The following MAPK11 variants were observed in gnomAD, a reference collection of about 807,000 sequenced individuals.
MAPK11 encodes mitogen-activated protein kinase 11.
MAPK11 carries 44 observed loss-of-function variants against 52.2 expected under a neutral mutation model. The ratio of observed to expected loss-of-function variants is 0.84; its 90% CI spans 0.66 to 1.08. The LOEUF (loss-of-function observed/expected upper bound fraction) is 1.08. MAPK11 is among the 50% of genes least tolerant of loss of function. The pLI, the probability that MAPK11 is intolerant of heterozygous loss-of-function variation, is 0.00. For missense variants in MAPK11, 436 were observed against 494.7 expected (o/e 0.88, Z 1.13); for synonymous variants, 233 against 206.3 (o/e 1.13, Z -1.11).
rs2065296767 is a variant in MAPK11, at chr22:50,270,131, G to C, written c.116+46C>G. On this transcript the variant is annotated intron_variant, in intron 1 of 11. Coordinates refer to ENST00000330651, the MANE Select transcript of MAPK11 (RefSeq NM_002751.7). This position sits in a 1 kb window ranked among gnomAD's most constrained non-coding sequence, Gnocchi z 6.3. ...CGGGCGAGGAGGGGACGCGCTCTCC[G>C]GCCCGGCCCGGCCCCCACCCAGCAC... 9.6e-7 allele frequency: 1 copy of C among 1,046,666 alleles called. No individual in the cohort carries two copies. Among genetic ancestry groups the C allele is most frequent in the African/African-American group, 1.7e-5 (1 of 58,810 alleles). 64.8% of individuals were successfully genotyped at this position (1,046,666 alleles called of 1,614,324 possible). A position where few individuals can be genotyped will look rare whatever the true frequency, so the allele number is the denominator to read the frequency against.
chr22:50,265,568 A>T lies in MAPK11; in HGVS notation c.841+14T>A, dbSNP rs1289636204. On this transcript the variant is annotated intron_variant, in intron 10 of 11. Coordinates refer to ENST00000330651, the MANE Select transcript of MAPK11 (RefSeq NM_002751.7). Reference sequence around the variant, plus strand: ...CCAGATATGGAGCCCAGTCTAGCCCAGGGCAGTCCTCACCCAGGGGGTTGG... The same window carrying T: ...CCAGATATGGAGCCCAGTCTAGCCCTGGGCAGTCCTCACCCAGGGGGTTGG... The T allele has an allele frequency of 6.2e-7, 1 of 1,611,996 alleles. No homozygotes were observed. The highest frequency in any genetic ancestry group is 2.2e-5 in the East Asian group (1 of 44,886).
At position 50,266,708 on chromosome 22, in the gene MAPK11, C is replaced by A. The variant is rs371550810; in HGVS notation, c.611-97G>T. 8.1e-5 allele frequency: 98 copies of A among 1,205,010 alleles called. 1 individual carries two copies. In the East Asian group the frequency reaches 1.4e-3, roughly 17 times the overall value. 74.6% of individuals were successfully genotyped at this position (1,205,010 alleles called of 1,614,324 possible). On this transcript the variant is annotated intron_variant, in intron 7 of 11. Coordinates refer to ENST00000330651, the MANE Select transcript of MAPK11 (RefSeq NM_002751.7). ...ATCCAGACCCCAAGATGGGCAGACC[C>A]CCTCCTCTGCCATACCCAACCCCCC...
At position 50,264,222 on chromosome 22, in the gene MAPK11, C is replaced by T. The variant is rs2065244780; in HGVS notation, c.*726G>A. ...GAAGGCAACAGCACACCCACCCCGG[C>T]TCCAGCTTCTTGCCAGATATGGCTG... On this transcript the variant is annotated 3_prime_UTR_variant, in exon 12 of 12. Coordinates refer to ENST00000330651, the MANE Select transcript of MAPK11 (RefSeq NM_002751.7). 1 of 152,338 alleles carries T rather than the reference C, an allele frequency of 6.6e-6. No homozygotes were observed. Among genetic ancestry groups the T allele is most frequent in the Non-Finnish European group, 1.5e-5 (1 of 68,108 alleles). The allele number at this position is 152,338 out of a possible 1,614,324, so 9.4% of individuals were successfully genotyped here. A position where few individuals can be genotyped will look rare whatever the true frequency, so the allele number is the denominator to read the frequency against.
rs763789031 is a variant in MAPK11, at chr22:50,270,190, A to G, written c.103T>C (p.Tyr35His). Residue 35 changes from tyrosine (Y) to histidine (H), a missense_variant, in exon 1 of 12, where the codon TAC (tyrosine) becomes CAC (histidine). Coordinates refer to ENST00000330651, the MANE Select transcript of MAPK11 (RefSeq NM_002751.7). The surrounding 1 kb of genome is among the most constrained non-coding windows in gnomAD (Gnocchi z 6.3). ...QGLRPVGSGA[Y>H]GSVCSAYDAR... is the part of the protein sequence containing the mutation. ...CCCCGCCCCTACCAGACGGAGCCGT[A>G]GGCGCCGGAGCCCACCGGGCGCAGC... is the stretch of plus-strand genomic sequence containing the variant. 3 of 1,474,606 alleles carry G rather than the reference A, an allele frequency of 2.0e-6. No homozygotes were observed. The highest frequency in any genetic ancestry group is 1.3e-5 in the South Asian group (1 of 77,030). 91.3% of individuals were successfully genotyped at this position (1,474,606 alleles called of 1,614,324 possible). A position where few individuals can be genotyped will look rare whatever the true frequency, so the allele number is the denominator to read the frequency against.
chr22:50,268,008 T>C (rs1238528993), intron 1 of MAPK11, 59 bp from the exon 2 acceptor site: 2 of 1,442,316 alleles, frequency 1.4e-6, no homozygotes, highest in African/African-American at 3.0e-5. Flanking sequence ...CGCACGCGCG[T>C]GGACCCGGGC....
chr22:50,267,740 C>G, intron 2 of MAPK11, 80 bp downstream of exon 2: 2 of 1,438,660 alleles, frequency 1.4e-6, no homozygotes, highest in Admixed American at 5.4e-5. Context: ...GCCCCCATCG[C>G]CAGGGCTCGC....
Position 50,267,413 on chromosome 22 carries a change from C to T in MAPK11, c.375G>A (p.Glu125=), listed in dbSNP as rs756027043. 6.2e-7 allele frequency: 1 copy of T among 1,610,778 alleles called. No individual in the cohort carries two copies. Among genetic ancestry groups the T allele is most frequent in the Non-Finnish European group, 8.5e-7 (1 of 1,179,100 alleles). The change falls in exon 4 of 12, where the codon GAG becomes GAA. Residue 125 remains glutamate, a synonymous_variant. Coordinates refer to ENST00000330651, the MANE Select transcript of MAPK11 (RefSeq NM_002751.7). Reference sequence around the variant, plus strand: ...GCTGGTAAACCAGGAATTGAACGTGCTCGTCGCTCAGCGCCTGGCACTTGA... The same window carrying T: ...GCTGGTAAACCAGGAATTGAACGTGTTCGTCGCTCAGCGCCTGGCACTTGA... ...NIVKCQALSD[E]HVQFLVYQLL...
At chr22:50,267,536 G>A in intron 3 of MAPK11, 33 bp downstream of exon 3, 1 of 1,547,366 alleles carries the variant, frequency 6.5e-7, no homozygotes, top group Middle Eastern at 1.7e-4. Context: ...CCGCGAACGC[G>A]CTCCCCGCTG....
chr22:50,266,505 G>A (rs755015205), intron 8 of MAPK11, 35 bp downstream of exon 8: 7 of 1,510,630 alleles, frequency 4.6e-6, no homozygotes, highest in African/African-American at 2.8e-5. Context: ...GAGGGGCCCT[G>A]TTTGACCCTG....
chr22:50,265,100 C>T, intron 11 of MAPK11, 73 bp from the exon 12 acceptor site: 1 of 1,376,512 alleles, frequency 7.3e-7, no homozygotes, highest in Non-Finnish European at 1.0e-6. Flanking sequence ...CTGGCACCTG[C>T]CACCCAGCCC....
intron 1 of MAPK11, among the ~76,000 whole-genome samples, chr22:50,269,967 C>A (rs560629970): frequency 6.6e-6 from 1 of 152,146 alleles, no homozygotes; most frequent in African/African-American, 2.4e-5. Context: ...CCGGAGGACC[C>A]CCCTCCCTCC....
At chr22:50,266,787 G>C in intron 7 of MAPK11, 147 bp downstream of exon 7, 1 of 958,096 alleles carries the variant, frequency 1.0e-6, no homozygotes, top group Non-Finnish European at 1.6e-6. Flanking sequence ...CACCCATCAT[G>C]CTCTAGCGGC....
chr22:50,264,187 CGAG>C lies in MAPK11; in HGVS notation c.*758_*760del, dbSNP rs1251624888. 6 of 152,266 alleles carry C rather than the reference CGAG, an allele frequency of 3.9e-5. No homozygotes were observed. The highest frequency in any genetic ancestry group is 8.8e-5 in the Non-Finnish European group (6 of 68,076). 9.4% of individuals were successfully genotyped at this position (152,266 alleles called of 1,614,324 possible). A position where few individuals can be genotyped will look rare whatever the true frequency, so the allele number is the denominator to read the frequency against. On this transcript the variant is annotated 3_prime_UTR_variant, in exon 12 of 12. Transcript: ENST00000330651. ...AAACACCCCTCAAGGCATCAGGAAC[CGAG>C]GAGAGGGAAGGCAACAGCACACCCA...
At position 50,267,494 on chromosome 22, in the gene MAPK11, T is replaced by G. The variant is rs563837665; in HGVS notation, c.306-12A>C. 1.2e-4 allele frequency: 199 copies of G among 1,593,604 alleles called. 1 individual carries two copies. The South Asian group carries it at 2.2e-3, about 17-fold the overall frequency. On this transcript the variant is annotated splice_polypyrimidine_tract_variant and intron_variant, in intron 3 of 11. Transcript: ENST00000330651. ...TGGTCACCAAGTACCTGGGGCGGGG[T>G]CAGGGGGTCAGGACAGGGCCCCACC... is the stretch of plus-strand genomic sequence containing the variant.
At chr22:50,269,791 C>CG (rs939682430) in intron 1 of MAPK11, among the ~76,000 whole-genome samples, 8 of 152,140 alleles carry the variant, frequency 5.3e-5, no homozygotes, top group Non-Finnish European at 1.5e-5. Context: ...CGCTAGACCC[C>CG]GGGGGGCTGC....
At chr22:50,267,751 C>T in intron 2 of MAPK11, 69 bp downstream of exon 2, 1 of 1,461,292 alleles carries the variant, frequency 6.8e-7, no homozygotes, top group Non-Finnish European at 9.0e-7. Context: ...CAGGGCTCGC[C>T]CGCCTATTGG....
Position 50,270,210 on chromosome 22 carries a change from C to T in MAPK11, c.83G>A (p.Arg28His). The T allele has an allele frequency of 3.3e-6, 5 of 1,501,672 alleles. No individual in the cohort carries two copies. Among genetic ancestry groups the T allele is most frequent in the Non-Finnish European group, 3.5e-6 (4 of 1,131,624 alleles). 93.0% of individuals were successfully genotyped at this position (1,501,672 alleles called of 1,614,324 possible). ...GCCGTAGGCGCCGGAGCCCACCGGG[C>T]GCAGCCCCTGCAGCCGCTGCGGCAC... is the stretch of plus-strand genomic sequence containing the variant. ...WEVPQRLQGLRPVGSGAYGSV... is the reference protein window; with the variant it reads ...WEVPQRLQGLHPVGSGAYGSV... The change falls in exon 1 of 12, where the codon CGC (arginine) becomes CAC (histidine). Residue 28 changes from arginine to histidine, a missense_variant. Arg to His is a conservative substitution (Grantham distance 29, BLOSUM62 0). Transcript: ENST00000330651. This position sits in a 1 kb window ranked among gnomAD's most constrained non-coding sequence, Gnocchi z 6.3.
intron 7 of MAPK11, 98 bp from the exon 8 acceptor site, chr22:50,266,709 C>A: frequency 8.3e-7 from 1 of 1,208,488 alleles, no homozygotes; most frequent in Non-Finnish European, 1.2e-6. Flanking sequence ...GGGCAGACCC[C>A]CTCCTCTGCC....
At position 50,265,035 on chromosome 22, in the gene MAPK11, G is replaced by A. The variant is rs373938983; in HGVS notation, c.1016-8C>T. The A allele has an allele frequency of 2.5e-5, 40 of 1,611,512 alleles. No homozygotes were observed. Among genetic ancestry groups the A allele is most frequent in the Non-Finnish European group, 3.2e-5 (38 of 1,178,578 alleles). On this transcript the variant is annotated splice_region_variant and splice_polypyrimidine_tract_variant and intron_variant, in intron 11 of 11. Transcript: ENST00000330651. The stretch of plus-strand genomic sequence containing the variant: ...CTTCCTGGTAAGTGAGCTCTAGGAG[G>A]TGAAGGGAAAGGGTGAGCTTGTGCC...
Sources: gnomAD v4.1 joint callset for allele counts (sites outside exome capture counted in the v4.1 genomes callset) on GRCh38, gnomAD v4.1.1 for gene constraint, Gnocchi (gnomAD v3.1) non-coding constraint, MANE v1.5 for transcripts, NCBI Gene and HGNC (gene_info 2026-07-23, HGNC 2026-07-21) for gene names.